The following RASSF2 variants were observed in gnomAD, a reference collection of about 807,000 sequenced individuals.
RASSF2 encodes the protein ras association domain-containing protein 2.
RASSF2 carries 34 observed loss-of-function variants against 46.3 expected under a neutral mutation model. The observed-to-expected ratio is 0.73, with a 90% CI of 0.56 to 0.98. The LOEUF is 0.98. Ranked by LOEUF, RASSF2 falls within the 50% of genes least tolerant of loss-of-function variation. The pLI, the probability that RASSF2 is intolerant of heterozygous loss-of-function variation, is 0.00. For missense variants in RASSF2, 364 were observed against 431.2 expected (o/e 0.84, Z 1.38); for synonymous variants, 158 against 162.5 (o/e 0.97, Z 0.21).
intron 2 of RASSF2, among the ~76,000 whole-genome samples, chr20:4,818,653 C>T (rs1035418932): frequency 1.1e-4 from 16 of 152,292 alleles, no homozygotes; most frequent in Admixed American, 9.8e-4. Flanking sequence ...TACCAAGAGC[C>T]GGGTGTTAAA....
At position 4,790,062 on chromosome 20, in the gene RASSF2, T is replaced by C. The variant is rs552623719; in HGVS notation, c.538-365A>G. On this transcript the variant is annotated intron_variant, in intron 7 of 11. Transcript: ENST00000379400. This position sits in a 1 kb window ranked among gnomAD's most constrained non-coding sequence, Gnocchi z 4.3. The stretch of plus-strand genomic sequence containing the variant: ...ACCCCAGGTCTGAGACCTGCAGCTC[T>C]GCTTCAGCTCTGGGAAAAGCCAGAC... 6.6e-6 allele frequency among the ~76,000 whole-genome samples: 1 copy of C among 152,318 alleles called. No homozygotes were observed. The highest frequency in any genetic ancestry group is 3.4e-3 in the Middle Eastern group (1 of 294).
intron 2 of RASSF2, among the ~76,000 whole-genome samples, chr20:4,820,406 GA>G (rs1412662599): frequency 2.0e-5 from 3 of 152,142 alleles, no homozygotes; most frequent in Non-Finnish European, 4.4e-5. Context: ...AGCTCCTCAA[GA>G]GGCTGAGGTG....
chr20:4,821,265 G>C (rs1928672308), intron 2 of RASSF2, among the ~76,000 whole-genome samples: 1 of 152,154 alleles, frequency 6.6e-6, no homozygotes. Context: ...GAGAAGACCT[G>C]AACCTCCAAA....
rs1007165436 is a variant in RASSF2 at position 4,790,931 on chromosome 20, T to G, written c.377-320A>C. 6.6e-6 allele frequency among the ~76,000 whole-genome samples: 1 copy of G among 152,154 alleles called. No individual in the cohort carries two copies. Among genetic ancestry groups the G allele is most frequent in the African/African-American group, 2.4e-5 (1 of 41,426 alleles). ...AATAATAACACCCACCTCAGAGGGTTGCTGAGGGTTTAAATGAGTTAGTAT... is the reference window on the plus strand; with the variant it reads ...AATAATAACACCCACCTCAGAGGGTGGCTGAGGGTTTAAATGAGTTAGTAT... On this transcript the variant is annotated intron_variant, in intron 6 of 11. Transcript: ENST00000379400. The surrounding 1 kb of genome is among the most constrained non-coding windows in gnomAD (Gnocchi z 4.3).
intron 6 of RASSF2, among the ~76,000 whole-genome samples, chr20:4,791,100 A>G (rs935116932): frequency 6.6e-6 from 1 of 152,224 alleles, no homozygotes; most frequent in African/African-American, 2.4e-5. Context: ...ATTACAAAAC[A>G]GCAAATACTG....
Position 4,812,537 on chromosome 20 carries a change from C to T in RASSF2, c.-33+9792G>A, listed in dbSNP as rs535016125. On this transcript the variant is annotated intron_variant, in intron 2 of 11. Transcript: ENST00000379400. The surrounding 1 kb of genome is among the most constrained non-coding windows in gnomAD (Gnocchi z 4.0). ...CTGTATTCTGGAGGAGAGGTTCTCC[C>T]ACTTGAGTGTGTATTGGAATCTCTC... 7.9e-5 allele frequency among the ~76,000 whole-genome samples: 12 copies of T among 152,316 alleles called. No individual in the cohort carries two copies. The South Asian group carries it at 2.5e-3, about 32-fold the overall frequency.
Position 4,788,208 on chromosome 20 carries a change from C to G in RASSF2, c.691+9G>C, listed in dbSNP as rs370765950. The stretch of plus-strand genomic sequence containing the variant: ...AAGTTTTAAAGTACACTGTGGTCTT[C>G]AGACTTACCACCACTCGTATGGACC... On this transcript the variant is annotated intron_variant, in intron 9 of 11. Transcript: ENST00000379400. The G allele has an allele frequency of 5.7e-6, 9 of 1,582,402 alleles. No homozygotes were observed. In the African/African-American group the frequency reaches 1.2e-4, roughly 21 times the overall value.
intron 2 of RASSF2, among the ~76,000 whole-genome samples, chr20:4,804,790 T>A (rs1927206500): frequency 1.3e-5 from 2 of 152,012 alleles, no homozygotes; most frequent in South Asian, 4.2e-4. Flanking sequence ...CGATGGTGGC[T>A]CAGCAGTCAA....
Position 4,789,672 on chromosome 20 carries a change from C to A in RASSF2, c.563G>T (p.Gly188Val), listed in dbSNP as rs1255956285. 23 of 1,613,924 alleles carry A rather than the reference C, an allele frequency of 1.4e-5. No individual in the cohort carries two copies. Among genetic ancestry groups the A allele is most frequent in the Non-Finnish European group, 1.9e-5 (22 of 1,180,026 alleles). Residue 188 changes from glycine to valine, a missense_variant, in exon 8 of 12, where the codon GGC (glycine) becomes GTC (valine). Physicochemically the swap from Gly to Val is moderately radical, Grantham distance 109. Coordinates refer to ENST00000379400, the MANE Select transcript of RASSF2 (RefSeq NM_014737.3). Reference sequence around the variant, plus strand: ...GTTGATGCGGACGTTGGTGACAGAGCCATAGGCTGGTGTGAACACGGATGT... The same window carrying A: ...GTTGATGCGGACGTTGGTGACAGAGACATAGGCTGGTGTGAACACGGATGT... ...HKTSVFTPAYGSVTNVRINST... is the reference protein window; with the variant it reads ...HKTSVFTPAYVSVTNVRINST...
At position 4,796,477 on chromosome 20, in the gene RASSF2, G is replaced by A. The variant is rs73612138; in HGVS notation, c.136-511C>T. Among the ~76,000 whole-genome samples, 865 of 152,308 alleles carry A rather than the reference G, an allele frequency of 5.7e-3. 17 individuals carry two copies. The highest frequency in any genetic ancestry group is 0.056 in the East Asian group (291 of 5,176). ...CACTAGCTCCTCTAGCAGATGAACT[G>A]CTGTCTTTAAAAGGGTGTCAAGTGA... is the stretch of plus-strand genomic sequence containing the variant. On this transcript the variant is annotated intron_variant, in intron 4 of 11. Transcript: ENST00000379400.
At chr20:4,804,172 C>G (rs1476932965) in intron 2 of RASSF2, among the ~76,000 whole-genome samples, 1 of 152,086 alleles carries the variant, frequency 6.6e-6, no homozygotes, top group South Asian at 2.1e-4. Flanking sequence ...TCAGAAAACT[C>G]AGACCCTACC....
At chr20:4,799,870 G>T (rs1482225248) in intron 3 of RASSF2, among the ~76,000 whole-genome samples, 4 of 152,236 alleles carry the variant, frequency 2.6e-5, no homozygotes, top group Non-Finnish European at 4.4e-5. Flanking sequence ...CCAGCACTTT[G>T]GGAGGCCAAG....
intron 2 of RASSF2, among the ~76,000 whole-genome samples, chr20:4,808,868 C>T (rs899875540): frequency 2.6e-5 from 4 of 152,182 alleles, no homozygotes; most frequent in African/African-American, 9.7e-5. Flanking sequence ...GTTACTTACT[C>T]CCTCTAGAAT....
intron 2 of RASSF2, among the ~76,000 whole-genome samples, chr20:4,815,583 C>T (rs776555836): frequency 3.5e-4 from 53 of 152,218 alleles, no homozygotes; most frequent in Non-Finnish European, 6.8e-4. Flanking sequence ...TCCTCCTTCT[C>T]GAGCTTCAGG....
At chr20:4,799,615 G>C (rs1429109226) in intron 3 of RASSF2, among the ~76,000 whole-genome samples, 1 of 152,170 alleles carries the variant, frequency 6.6e-6, no homozygotes, top group Non-Finnish European at 1.5e-5. Flanking sequence ...AATGTGATTC[G>C]AAATCACCTA....
At chr20:4,792,741 G>A in intron 5 of RASSF2, 114 bp from the exon 6 acceptor site, 13 of 1,472,342 alleles carry the variant, frequency 8.8e-6, no homozygotes, top group Non-Finnish European at 1.2e-5. Flanking sequence ...CTAGTGCCAG[G>A]CTGGGTACTG....
intron 2 of RASSF2, among the ~76,000 whole-genome samples, chr20:4,822,123 C>G (rs1928729367): frequency 6.6e-6 from 1 of 152,204 alleles, no homozygotes; most frequent in African/African-American, 2.4e-5. Context: ...TAAAATAAGC[C>G]TAGCTGCAGA....
chr20:4,810,767 G>T (rs1927722438), intron 2 of RASSF2, among the ~76,000 whole-genome samples: 1 of 152,146 alleles, frequency 6.6e-6, no homozygotes, highest in South Asian at 2.1e-4. Flanking sequence ...TCCCAGTGGG[G>T]GTGAGGGAGG....
chr20:4,788,417 G>C, intron 8 of RASSF2, 149 bp from the exon 9 acceptor site: 3 of 681,118 alleles, frequency 4.4e-6, no homozygotes, highest in Non-Finnish European at 7.7e-6. Flanking sequence ...CAGAAGTGAT[G>C]AGAAGATCGA....
Sources: gnomAD v4.1 joint callset for allele counts (sites outside exome capture counted in the v4.1 genomes callset) on GRCh38, gnomAD v4.1.1 for gene constraint, Gnocchi (gnomAD v3.1) non-coding constraint, MANE v1.5 for transcripts, NCBI Gene and HGNC (gene_info 2026-07-23, HGNC 2026-07-21) for gene names.